ARHGAP8: variants seen among roughly 807,000 people sequenced by gnomAD.
The protein encoded by ARHGAP8 is rho GTPase-activating protein 8.
A neutral mutation model predicts 46.1 loss-of-function variants in ARHGAP8; 62 were observed. The observed-to-expected ratio is 1.34, with a 90% CI of 1.10 to 1.66. The LOEUF is 1.66. Ranked by LOEUF, ARHGAP8 falls within the 40% of genes most tolerant of loss-of-function variation. The pLI is 0.00. For synonymous variants in ARHGAP8, 375 were observed against 243.1 expected (o/e 1.54, Z -5.05); for missense variants, 923 against 568.4 (o/e 1.62, Z -6.34).
intron 7 of ARHGAP8, among the ~76,000 whole-genome samples, chr22:44,828,204 C>G (rs1219523001): frequency 6.6e-6 from 1 of 152,190 alleles, no homozygotes; most frequent in African/African-American, 2.4e-5. Flanking sequence ...ATGTTCACCC[C>G]AAATATATCT....
intron 2 of ARHGAP8, among the ~76,000 whole-genome samples, chr22:44,789,600 G>A (rs1320101545): frequency 6.6e-6 from 1 of 152,096 alleles, no homozygotes; most frequent in Non-Finnish European, 1.5e-5. Flanking sequence ...CTCGGCTCAG[G>A]CAGTCCTCCC....
intron 7 of ARHGAP8, among the ~76,000 whole-genome samples, chr22:44,844,087 TCAGCCTC>T (rs1254225533): frequency 6.6e-6 from 1 of 152,142 alleles, no homozygotes; most frequent in Non-Finnish European, 1.5e-5. Context: ...TTCTCCTGCC[TCAGCCTC>T]CAGAGTAGCT....
intron 10 of ARHGAP8, among the ~76,000 whole-genome samples, chr22:44,857,434 A>G (rs980495355): frequency 2.5e-4 from 38 of 152,138 alleles, no homozygotes; most frequent in Non-Finnish European, 4.0e-4. Context: ...CTAACAAAAG[A>G]CAGATTCACA....
At chr22:44,858,545 TTTTTTTA>T (rs1487971842) in intron 10 of ARHGAP8, among the ~76,000 whole-genome samples, 4 of 134,610 alleles carry the variant, frequency 3.0e-5, no homozygotes, top group Non-Finnish European at 6.4e-5. Flanking sequence ...TTTTTTTTTT[TTTTTTTA>T]AGTAACAGGG....
At chr22:44,758,346 C>T (rs373954727) in intron 1 of ARHGAP8, among the ~76,000 whole-genome samples, 2 of 152,104 alleles carry the variant, frequency 1.3e-5, no homozygotes, top group African/African-American at 2.4e-5. Context: ...CGCTTGAATC[C>T]GTGTGGCAGA....
chr22:44,820,206 C>A (rs891614753), intron 5 of ARHGAP8, among the ~76,000 whole-genome samples: 4 of 152,212 alleles, frequency 2.6e-5, no homozygotes, highest in Admixed American at 6.5e-5. Context: ...GGCCTGTGGG[C>A]CCTTTCCCGA....
At chr22:44,860,095 C>G (rs1056719614) in intron 11 of ARHGAP8, among the ~76,000 whole-genome samples, 1 of 152,110 alleles carries the variant, frequency 6.6e-6, no homozygotes, top group Admixed American at 6.6e-5. Context: ...TTGCCAGTGA[C>G]TTTTGTTATT....
At chr22:44,849,490 C>T (rs896591011) in intron 10 of ARHGAP8, 1 of 210,954 alleles carries the variant, frequency 4.7e-6, no homozygotes, top group Non-Finnish European at 9.6e-6. Flanking sequence ...AGGAACTGAG[C>T]AGCTATAGTG....
At chr22:44,826,600 T>C (rs1930540685) in intron 7 of ARHGAP8, among the ~76,000 whole-genome samples, 1 of 152,088 alleles carries the variant, frequency 6.6e-6, no homozygotes, top group Admixed American at 6.5e-5. Flanking sequence ...AATTTTTTTG[T>C]ATTTTTAGTA....
intron 7 of ARHGAP8, among the ~76,000 whole-genome samples, chr22:44,833,137 C>T (rs568114283): frequency 2.9e-4 from 39 of 135,446 alleles, no homozygotes; most frequent in African/African-American, 7.7e-4. Flanking sequence ...CCCTCTGTTG[C>T]GTAGGTTGGA....
At chr22:44,836,452 A>G (rs10427672) in intron 7 of ARHGAP8, among the ~76,000 whole-genome samples, 1 of 151,886 alleles carries the variant, frequency 6.6e-6, no homozygotes, top group South Asian at 2.1e-4. Flanking sequence ...GTGACTCCAG[A>G]CATAATAATT....
chr22:44,842,357 A>AAAACAAAC (rs371563051), intron 7 of ARHGAP8, among the ~76,000 whole-genome samples: 1 of 152,060 alleles, frequency 6.6e-6, no homozygotes, highest in African/African-American at 2.4e-5. Context: ...ACTCCATCTC[A>AAAACAAAC]AAACAAACAA....
At position 44,825,782 on chromosome 22, in the gene ARHGAP8, C is replaced by T. The variant is rs1452292177; in HGVS notation, c.596+189C>T. 2.1e-5 allele frequency among the ~76,000 whole-genome samples: 3 copies of T among 143,850 alleles called. No individual in the cohort carries two copies. In the East Asian group the frequency reaches 6.2e-4, roughly 29 times the overall value. 94.4% of individuals were successfully genotyped at this position (143,850 alleles called of 152,430 possible). On this transcript the variant is annotated intron_variant, in intron 7 of 11. Coordinates refer to ENST00000356099, the MANE Select transcript of ARHGAP8 (RefSeq NM_181335.3). ...TGCTCAGTGCCTGGTTGGGGGGGCG[C>T]GTGCTCGCTGCTCGGTGCCTGGTTG...
intron 7 of ARHGAP8, among the ~76,000 whole-genome samples, chr22:44,844,209 G>A (rs995140056): frequency 2.0e-5 from 3 of 151,998 alleles, no homozygotes; most frequent in Non-Finnish European, 2.9e-5. Context: ...TGACCTCGTG[G>A]TCTGTCCACT....
intron 10 of ARHGAP8, among the ~76,000 whole-genome samples, chr22:44,851,874 AAAGC>A (rs1250123550): frequency 3.3e-5 from 5 of 151,914 alleles, no homozygotes; most frequent in African/African-American, 1.2e-4. Flanking sequence ...GGGAGGGAGG[AAAGC>A]AAGCAAGAAA....
rs769372407 is a variant in ARHGAP8, at chr22:44,859,832, G to T, written c.979G>T (p.Ala327Ser). 6.2e-7 allele frequency: 1 copy of T among 1,613,438 alleles called. No homozygotes were observed. Among genetic ancestry groups the T allele is most frequent in the Non-Finnish European group, 8.5e-7 (1 of 1,179,714 alleles). Residue 327 changes from alanine (A) to serine (S), a missense_variant and splice_region_variant, in exon 11 of 12, where the codon GCG (alanine) becomes TCG (serine). Transcript: ENST00000356099. ...VLRYLMGFLH[A>S]VSRESIFNKM... ...CCGCTACCTCATGGGCTTCCTGCAT[G>T]CGGTGAGTGGGGAAGGGGGGAGCTT...
chr22:44,821,850 G>A (rs1054344826), intron 5 of ARHGAP8, among the ~76,000 whole-genome samples: 10 of 152,338 alleles, frequency 6.6e-5, no homozygotes, highest in African/African-American at 2.4e-4. Context: ...TGGCTGCGCT[G>A]CTCCCTGGGG....
intron 2 of ARHGAP8, chr22:44,801,796 T>G (rs1928572873): frequency 2.4e-6 from 1 of 411,304 alleles, no homozygotes; most frequent in African/African-American, 2.0e-5. Context: ...GCCTGCCAGC[T>G]GGCTCTGCAC....
intron 5 of ARHGAP8, among the ~76,000 whole-genome samples, chr22:44,817,600 T>G (rs1291810841): frequency 6.6e-6 from 1 of 151,942 alleles, no homozygotes; most frequent in Non-Finnish European, 1.5e-5. Flanking sequence ...GGTAAGGAGT[T>G]CAAGACCAGC....
Sources: gnomAD v4.1 joint callset for allele counts (sites outside exome capture counted in the v4.1 genomes callset) on GRCh38, gnomAD v4.1.1 for gene constraint, MANE v1.5 for transcripts, NCBI Gene and HGNC (gene_info 2026-07-23, HGNC 2026-07-21) for gene names.